TENM2: variants seen among roughly 807,000 people sequenced by gnomAD.
TENM2 encodes the protein teneurin-2.
TENM2 carries 52 observed loss-of-function variants against 245.2 expected under a neutral mutation model. The ratio of observed to expected loss-of-function variants is 0.21; its 90% confidence interval spans 0.17 to 0.27. The LOEUF is 0.27. Ranked by LOEUF, TENM2 falls within the 10% of genes least tolerant of loss-of-function variation. TENM2 has a pLI of 1.00. For missense variants in TENM2, 3,046 were observed against 3,666.8 expected, an observed-to-expected ratio of 0.83 and a Z score of 4.37; for synonymous variants, 1,363 against 1,438.9, an observed-to-expected ratio of 0.95 and a Z score of 1.19.
intron 2 of TENM2, among the ~76,000 whole-genome samples, chr5:167,634,019 G>C (rs989396729): frequency 5.3e-5 from 8 of 152,122 alleles, no homozygotes; most frequent in African/African-American, 1.9e-4. Flanking sequence ...AACTGTGTGT[G>C]CTTCCTCTTT....
intron 1 of TENM2, chr5:167,309,905 G>A (rs1339244500): frequency 1.3e-5 from 2 of 152,328 alleles, no homozygotes; most frequent in Non-Finnish European, 2.9e-5. Flanking sequence ...TCAGAGTTGA[G>A]TTTGCTGAAG....
intron 2 of TENM2, among the ~76,000 whole-genome samples, chr5:167,456,454 C>A (rs1161772701): frequency 6.6e-6 from 1 of 151,982 alleles, no homozygotes; most frequent in East Asian, 1.9e-4. Flanking sequence ...TTACTAAGTC[C>A]ATTTCTTGTT....
chr5:167,153,790 A>G, the TENM2 span, among the ~76,000 whole-genome samples: 1 of 152,100 alleles, frequency 6.6e-6, no homozygotes, highest in Admixed American at 6.6e-5. Context: ...CCCAGTTAAT[A>G]AAAAAACTGA....
chr5:167,599,867 C>T (rs564736032), intron 2 of TENM2, among the ~76,000 whole-genome samples: 1 of 152,030 alleles, frequency 6.6e-6, no homozygotes, highest in South Asian at 2.1e-4. Context: ...GGTTTCATGG[C>T]TGGGCGCGGT....
the TENM2 span, among the ~76,000 whole-genome samples, chr5:167,080,384 C>G: frequency 1.3e-5 from 2 of 152,108 alleles, no homozygotes; most frequent in African/African-American, 2.4e-5. Flanking sequence ...ACTTTTGAAC[C>G]TGTTATTATA....
intron 3 of TENM2, among the ~76,000 whole-genome samples, chr5:167,913,984 A>G (rs1561928126): frequency 6.6e-6 from 1 of 152,234 alleles, no homozygotes; most frequent in East Asian, 1.9e-4. Context: ...CAATCAATAA[A>G]TGTTAGCAGC....
At position 167,378,100 on chromosome 5, in the gene TENM2, G is replaced by A. The variant is rs192045736; in HGVS notation, c.502+2627G>A. ...TTTTGGGATAAATGGATTTTTCACC[G>A]TGTTTACTTAAAAATCTCCCTTAAA... is the stretch of plus-strand genomic sequence containing the variant. On this transcript the variant is annotated intron_variant, in intron 2 of 28. Transcript: ENST00000518659. Among the ~76,000 whole-genome samples, 1,187 of 152,070 alleles carry A rather than the reference G, an allele frequency of 7.8e-3. 4 individuals carry two copies. Among genetic ancestry groups the A allele is most frequent in the East Asian group, 0.015 (78 of 5,172 alleles).
At chr5:168,158,548 G>A (rs146005963) in intron 12 of TENM2, among the ~76,000 whole-genome samples, 197 of 151,930 alleles carry the variant, frequency 1.3e-3, no homozygotes, top group African/African-American at 4.5e-3. Flanking sequence ...ATTTTGGGCT[G>A]TATCGTTCTT....
chr5:167,205,702 G>A, the TENM2 span, among the ~76,000 whole-genome samples: 292 of 152,238 alleles, frequency 1.9e-3, 5 homozygotes, highest in East Asian at 0.048. Context: ...TGGTTCAAAA[G>A]TTTGGGCACA....
At position 167,532,721 on chromosome 5, in the gene TENM2, T is replaced by TACACACACATATAC. The variant is rs1227231336; in HGVS notation, c.502+157261_502+157262insCACACACACATATA. Among the ~76,000 whole-genome samples the TACACACACATATAC allele has an allele frequency of 4.6e-5, 7 of 151,426 alleles. No individual in the cohort carries two copies. The South Asian group carries it at 1.5e-3, about 32-fold the overall frequency. ...ATATACATATCTATATATGTATATA[T>TACACACACATATAC]ACACACACATATATACACACACCCA... is the stretch of plus-strand genomic sequence containing the variant. On this transcript the variant is annotated intron_variant, in intron 2 of 28. Transcript: ENST00000518659.
chr5:167,200,764 G>C, the TENM2 span, among the ~76,000 whole-genome samples: 1 of 152,028 alleles, frequency 6.6e-6, no homozygotes, highest in Non-Finnish European at 1.5e-5. Flanking sequence ...TTTTCCATTA[G>C]GTACTTTCTG....
intron 2 of TENM2, among the ~76,000 whole-genome samples, chr5:167,522,821 TAA>T (rs5873039): frequency 1.3e-5 from 2 of 150,426 alleles, no homozygotes; most frequent in African/African-American, 4.9e-5. Context: ...CTCTGCCCTA[TAA>T]AAAAAAAAGC....
chr5:167,385,704 A>G (rs1426929041), intron 2 of TENM2, among the ~76,000 whole-genome samples: 1 of 151,864 alleles, frequency 6.6e-6, no homozygotes, highest in Non-Finnish European at 1.5e-5. Context: ...TGTCTTTCTT[A>G]TGCTTTTGCA....
At chr5:167,314,177 T>A (rs1052450795) in intron 1 of TENM2, among the ~76,000 whole-genome samples, 1 of 152,236 alleles carries the variant, frequency 6.6e-6, no homozygotes, top group African/African-American at 2.4e-5. Context: ...ATCTCTTTTT[T>A]AGGTTTTTCC....
At chr5:167,079,134 A>G in the TENM2 span, among the ~76,000 whole-genome samples, 7,374 of 151,922 alleles carry the variant, frequency 0.049, 274 homozygotes, top group African/African-American at 0.094. Flanking sequence ...ATTAGTGTTC[A>G]TTTTGGGGTT....
At chr5:167,903,338 T>G (rs1478415032) in intron 3 of TENM2, among the ~76,000 whole-genome samples, 1 of 152,062 alleles carries the variant, frequency 6.6e-6, no homozygotes, top group Non-Finnish European at 1.5e-5. Context: ...ATTTAAGATT[T>G]TGGAGTAATA....
At chr5:167,462,243 A>G (rs986169739) in intron 2 of TENM2, among the ~76,000 whole-genome samples, 11 of 117,496 alleles carry the variant, frequency 9.4e-5, no homozygotes, top group Non-Finnish European at 1.6e-4. Context: ...GCTGTTGTGC[A>G]CTCAAACCCC....
the TENM2 span, among the ~76,000 whole-genome samples, chr5:167,029,174 C>A: frequency 6.6e-6 from 1 of 152,098 alleles, no homozygotes; most frequent in Non-Finnish European, 1.5e-5. Flanking sequence ...TATTTGAAAT[C>A]ATAGGATTCA....
the TENM2 span, among the ~76,000 whole-genome samples, chr5:167,274,405 A>G: frequency 2.0e-5 from 3 of 152,098 alleles, no homozygotes; most frequent in African/African-American, 7.2e-5. Context: ...CTAGTCACCC[A>G]TTGAAGAACA....
Sources: allele counts gnomAD v4.1 joint callset (sites outside exome capture counted in the v4.1 genomes callset), GRCh38; gene constraint gnomAD v4.1.1; transcripts MANE v1.5; gene names NCBI Gene and HGNC (gene_info 2026-07-23, HGNC 2026-07-21).